Variants in GPATCH2 observed in about 807,000 individuals in gnomAD.
GPATCH2 encodes the protein G patch domain-containing protein 2.
In GPATCH2, 51 loss-of-function variants were observed where a neutral mutation model predicts 58.0. The observed-to-expected ratio is 0.88, with a 90% CI of 0.70 to 1.11. The LOEUF (loss-of-function observed/expected upper bound fraction) is 1.11, where lower values mean the gene tolerates loss of function less well. Ranked by LOEUF, GPATCH2 falls within the 50% of genes most tolerant of loss-of-function variation. The pLI, the probability that GPATCH2 is intolerant of heterozygous loss-of-function variation, is 0.00. For missense variants in GPATCH2, 625 were observed against 652.2 expected (o/e 0.96, Z 0.45); for synonymous variants, 222 against 218.5 (o/e 1.02, Z -0.14).
Position 217,427,258 on chromosome 1 carries a change from G to C in GPATCH2, c.*3887C>G, listed in dbSNP as rs971024094. The C allele has an allele frequency of 2.0e-5, 3 of 152,090 alleles. No homozygotes were observed. Among genetic ancestry groups the C allele is most frequent in the Non-Finnish European group, 4.4e-5 (3 of 68,008 alleles). 9.4% of individuals were successfully genotyped at this position (152,090 alleles called of 1,614,324 possible). On this transcript the variant is annotated 3_prime_UTR_variant, in exon 10 of 10. Coordinates refer to ENST00000366935, the MANE Select transcript of GPATCH2 (RefSeq NM_018040.5). Reference sequence around the variant, plus strand: ...ACCTTAAGCAAGTTAGTCTAATCAAGCTTCACAGAAACAATAAAAACAGGA... The same window carrying C: ...ACCTTAAGCAAGTTAGTCTAATCAACCTTCACAGAAACAATAAAAACAGGA...
At chr1:217,487,518 C>T (rs1010059377) in intron 8 of GPATCH2, among the ~76,000 whole-genome samples, 3 of 150,680 alleles carry the variant, frequency 2.0e-5, no homozygotes, top group Non-Finnish European at 4.4e-5. Context: ...CTCCGCCTTC[C>T]GGGTTCAGGC....
intron 3 of GPATCH2, among the ~76,000 whole-genome samples, chr1:217,611,733 TAAGA>T (rs1447634584): frequency 2.0e-5 from 3 of 152,144 alleles, no homozygotes; most frequent in Non-Finnish European, 4.4e-5. Context: ...TTAAGCTCAT[TAAGA>T]AATAGTTTTG....
chr1:217,522,176 T>C (rs950413554), intron 5 of GPATCH2, among the ~76,000 whole-genome samples: 1 of 152,194 alleles, frequency 6.6e-6, no homozygotes, highest in Non-Finnish European at 1.5e-5. Context: ...CCATTCTGCA[T>C]TGATAATTAA....
intron 6 of GPATCH2, among the ~76,000 whole-genome samples, chr1:217,500,307 G>A (rs1662234392): frequency 2.6e-5 from 4 of 151,766 alleles, no homozygotes; most frequent in Admixed American, 1.3e-4. Context: ...TCAGCCTCCA[G>A]TGATCTCCTC....
chr1:217,571,864 G>T (rs1339849730), intron 5 of GPATCH2, among the ~76,000 whole-genome samples: 2 of 151,582 alleles, frequency 1.3e-5, no homozygotes, highest in African/African-American at 4.9e-5. Flanking sequence ...TCACATCACT[G>T]CACTCCAGCC....
intron 9 of GPATCH2, among the ~76,000 whole-genome samples, chr1:217,444,325 G>A (rs1659282990): frequency 6.6e-6 from 1 of 152,176 alleles, no homozygotes; most frequent in Non-Finnish European, 1.5e-5. Flanking sequence ...TAACGAACAT[G>A]CCTTAGGTTT....
At chr1:217,519,711 C>A in intron 5 of GPATCH2, among the ~76,000 whole-genome samples, 1 of 152,216 alleles carries the variant, frequency 6.6e-6, no homozygotes, top group Non-Finnish European at 1.5e-5. Flanking sequence ...TTTCCCTAAG[C>A]TGATCCTTAC....
At chr1:217,613,294 GA>G (rs1431455912) in intron 3 of GPATCH2, among the ~76,000 whole-genome samples, 1 of 151,970 alleles carries the variant, frequency 6.6e-6, no homozygotes, top group Non-Finnish European at 1.5e-5. Flanking sequence ...CTGCCAAAAG[GA>G]TGAACAGACT....
At chr1:217,610,075 G>T in intron 5 of GPATCH2, 1 of 1,508,382 alleles carries the variant, frequency 6.6e-7, no homozygotes, top group Non-Finnish European at 8.8e-7. Flanking sequence ...TTCCTCCAGG[G>T]AAGAGGACAG....
chr1:217,614,859 C>T (rs1025355288), intron 2 of GPATCH2, among the ~76,000 whole-genome samples: 17 of 150,262 alleles, frequency 1.1e-4, no homozygotes, highest in African/African-American at 3.9e-4. Flanking sequence ...TCAAATCTAA[C>T]ATACAAATAA....
intron 8 of GPATCH2, among the ~76,000 whole-genome samples, chr1:217,454,725 A>G (rs976511206): frequency 1.3e-5 from 2 of 150,300 alleles, no homozygotes. Flanking sequence ...TGATTCTCAT[A>G]CCTCAGCACC....
chr1:217,486,062 T>A (rs957066439), intron 8 of GPATCH2, among the ~76,000 whole-genome samples: 1 of 152,230 alleles, frequency 6.6e-6, no homozygotes, highest in African/African-American at 2.4e-5. Context: ...TCCATTTCTA[T>A]AAAATTGCCT....
intron 5 of GPATCH2, among the ~76,000 whole-genome samples, chr1:217,521,393 A>G (rs2102596976): frequency 6.7e-6 from 1 of 149,456 alleles, no homozygotes; most frequent in East Asian, 2.0e-4. Context: ...ATCAAAACAA[A>G]TGTTTTCTGT....
chr1:217,572,020 G>A (rs570889023), intron 5 of GPATCH2, among the ~76,000 whole-genome samples: 1 of 148,704 alleles, frequency 6.7e-6, no homozygotes, highest in East Asian at 2.0e-4. Context: ...AAGGAAGGAA[G>A]GAAGGGAGGT....
At chr1:217,604,645 A>G (rs1668272567) in intron 5 of GPATCH2, among the ~76,000 whole-genome samples, 1 of 152,188 alleles carries the variant, frequency 6.6e-6, no homozygotes, top group African/African-American at 2.4e-5. Context: ...TGTATTTTTT[A>G]AAATCATTTT....
At chr1:217,451,515 A>T (rs1659665021) in intron 8 of GPATCH2, among the ~76,000 whole-genome samples, 1 of 152,222 alleles carries the variant, frequency 6.6e-6, no homozygotes, top group Non-Finnish European at 1.5e-5. Context: ...TCAACTGGTT[A>T]TAACATCTGC....
intron 8 of GPATCH2, among the ~76,000 whole-genome samples, chr1:217,490,501 G>A (rs556131207): frequency 6.6e-5 from 10 of 152,078 alleles, no homozygotes; most frequent in African/African-American, 1.9e-4. Flanking sequence ...ATGATTGATT[G>A]TATCACAGAT....
chr1:217,487,661 G>A lies in GPATCH2; in HGVS notation c.1277+4019C>T, dbSNP rs1420112525. Among the ~76,000 whole-genome samples, 10 of 152,102 alleles carry A rather than the reference G, an allele frequency of 6.6e-5. No homozygotes were observed. The East Asian group carries it at 1.9e-3, about 30-fold the overall frequency. On this transcript the variant is annotated intron_variant, in intron 8 of 9. Transcript: ENST00000366935. ...GGCTGATCTCCAACTCCTGACCTCA[G>A]GTGTCCGCCCACCTCGGCCTCCCAA... is the stretch of plus-strand genomic sequence containing the variant.
At chr1:217,554,041 A>G (rs1665494929) in intron 5 of GPATCH2, among the ~76,000 whole-genome samples, 1 of 152,182 alleles carries the variant, frequency 6.6e-6, no homozygotes, top group East Asian at 1.9e-4. Flanking sequence ...CAGCGCAAAC[A>G]ACTCATCCTT....
Sources: gnomAD v4.1 joint callset for allele counts (sites outside exome capture counted in the v4.1 genomes callset) on GRCh38, gnomAD v4.1.1 for gene constraint, MANE v1.5 for transcripts, NCBI Gene and HGNC (gene_info 2026-07-23, HGNC 2026-07-21) for gene names.